TBX4: variants seen among roughly 807,000 people sequenced by gnomAD.
TBX4 encodes the protein T-box transcription factor 4.
Under a neutral mutation model 54.6 loss-of-function variants are expected in TBX4, and 13 were observed. The ratio of observed to expected loss-of-function variants is 0.24; its 90% confidence interval spans 0.15 to 0.38. The LOEUF (loss-of-function observed/expected upper bound fraction) is 0.38. TBX4 is among the 10% of genes least tolerant of loss of function. The pLI, the probability that TBX4 is intolerant of heterozygous loss-of-function variation, is 1.00. For synonymous variants in TBX4, 314 were observed against 306.7 expected, an observed-to-expected ratio of 1.02 and a Z score of -0.25; for missense variants, 631 against 728.5, an observed-to-expected ratio of 0.87 and a Z score of 1.54.
At chr17:61,477,269 C>T (rs889351983) in intron 5 of TBX4, among the ~76,000 whole-genome samples, 5 of 152,218 alleles carry the variant, frequency 3.3e-5, no homozygotes, top group East Asian at 1.9e-4. Flanking sequence ...CAAATGTCAA[C>T]GATAAAAAAT....
Position 61,460,034 on chromosome 17 carries a change from C to T in TBX4, c.281+2403C>T, listed in dbSNP as rs2060483806. Among the ~76,000 whole-genome samples the T allele has an allele frequency of 6.6e-6, 1 of 152,130 alleles. No homozygotes were observed. The highest frequency in any genetic ancestry group is 2.1e-4 in the South Asian group (1 of 4,832). ...TTCTTGGTACACGTCCATTTGTCAG[C>T]CTGGGCCCTGCTGCTAAACCTGGAA... On this transcript the variant is annotated intron_variant, in intron 3 of 8. Coordinates refer to ENST00000644296, the MANE Select transcript of TBX4 (RefSeq NM_001321120.2). This position sits in a 1 kb window ranked among gnomAD's most constrained non-coding sequence, Gnocchi z 4.4.
rs749679076 is a variant in TBX4 at position 61,474,889 on chromosome 17, G to T, written c.550-3738G>T. Among the ~76,000 whole-genome samples, 2 of 152,200 alleles carry T rather than the reference G, an allele frequency of 1.3e-5. No homozygotes were observed. The highest frequency in any genetic ancestry group is 2.9e-5 in the Non-Finnish European group (2 of 68,042). The stretch of plus-strand genomic sequence containing the variant: ...TTATACTTGTCTTGGCTCAATGGGT[G>T]GGACTTTCTTCCAGATACCTGTCCA... On this transcript the variant is annotated intron_variant, in intron 5 of 8. Transcript: ENST00000644296. This position sits in a 1 kb window ranked among gnomAD's most constrained non-coding sequence, Gnocchi z 4.6.
At position 61,480,330 on chromosome 17, in the gene TBX4, C is replaced by A; in HGVS notation, c.1021+11C>A. The A allele has an allele frequency of 1.2e-6, 2 of 1,609,896 alleles. No homozygotes were observed. Among genetic ancestry groups the A allele is most frequent in the Non-Finnish European group, 8.5e-7 (1 of 1,177,886 alleles). ...GCCTGAAAAGACGAGGTAGGGCTCT[C>A]CTGGTCTAGAAGCCCTAGAGGGTAA... On this transcript the variant is annotated intron_variant, in intron 8 of 8. Coordinates refer to ENST00000644296, the MANE Select transcript of TBX4 (RefSeq NM_001321120.2). The surrounding 1 kb of genome is among the most constrained non-coding windows in gnomAD (Gnocchi z 6.2).
At chr17:61,473,988 C>T (rs2060599552) in intron 5 of TBX4, among the ~76,000 whole-genome samples, 1 of 152,128 alleles carries the variant, frequency 6.6e-6, no homozygotes, top group African/African-American at 2.4e-5. Flanking sequence ...GGCTGATGGG[C>T]TCCCTGACTT....
At position 61,475,888 on chromosome 17, in the gene TBX4, C is replaced by T. The variant is rs900139446; in HGVS notation, c.550-2739C>T. On this transcript the variant is annotated intron_variant, in intron 5 of 8. Coordinates refer to ENST00000644296, the MANE Select transcript of TBX4 (RefSeq NM_001321120.2). The surrounding 1 kb of genome is among the most constrained non-coding windows in gnomAD (Gnocchi z 5.0). ...GCCAAGGAGCTGGCACATCGGGGAACTCATGGGAGATCATCTCTGCACATG... is the reference window on the plus strand; with the variant it reads ...GCCAAGGAGCTGGCACATCGGGGAATTCATGGGAGATCATCTCTGCACATG... Among the ~76,000 whole-genome samples, 15 of 152,244 alleles carry T rather than the reference C, an allele frequency of 9.9e-5. No individual in the cohort carries two copies. Among genetic ancestry groups the T allele is most frequent in the Admixed American group, 7.2e-4 (11 of 15,294 alleles).
Position 61,483,182 on chromosome 17 carries a change from A to AGAC in TBX4, c.1308_1310dup (p.Thr437dup). 1 of 1,614,126 alleles carries AGAC rather than the reference A, an allele frequency of 6.2e-7. No homozygotes were observed. Among genetic ancestry groups the AGAC allele is most frequent in the Non-Finnish European group, 8.5e-7 (1 of 1,180,022 alleles). On this transcript the variant is annotated inframe_insertion, in exon 9 of 9. Coordinates refer to ENST00000644296, the MANE Select transcript of TBX4 (RefSeq NM_001321120.2). This position sits in a 1 kb window ranked among gnomAD's most constrained non-coding sequence, Gnocchi z 6.6. ...ACCAGCTATAGCGTGCAGACGATGG[A>AGAC]GACTGTGCCGTACCAGCCCTTCCCC...
In TBX4 at chr17:61,462,116, C is replaced by T. The variant is rs2060498330; in HGVS notation, c.282-3703C>T. Among the ~76,000 whole-genome samples the T allele has an allele frequency of 6.6e-6, 1 of 152,250 alleles. No individual in the cohort carries two copies. Among genetic ancestry groups the T allele is most frequent in the Non-Finnish European group, 1.5e-5 (1 of 68,050 alleles). ...GCCAGAATTAAAAAAGCCCCAAACC[C>T]TTGCCCCGCGCCCCGCGCGCCTCCA... On this transcript the variant is annotated intron_variant, in intron 3 of 8. Transcript: ENST00000644296. This position sits in a 1 kb window ranked among gnomAD's most constrained non-coding sequence, Gnocchi z 4.5.
chr17:61,479,997 C>G lies in TBX4; in HGVS notation c.791+28C>G. 3 of 1,612,806 alleles carry G rather than the reference C, an allele frequency of 1.9e-6. No individual in the cohort carries two copies. The highest frequency in any genetic ancestry group is 2.5e-6 in the Non-Finnish European group (3 of 1,178,924). On this transcript the variant is annotated intron_variant, in intron 7 of 8. Transcript: ENST00000644296. The surrounding 1 kb of genome is among the most constrained non-coding windows in gnomAD (Gnocchi z 6.1). ...GGGGCTGCGTAGCCTGGGGGTGGGG[C>G]GGGCAGATGGGATTCAGGCACGTGG...
At position 61,478,548 on chromosome 17, in the gene TBX4, A is replaced by G; in HGVS notation, c.550-79A>G. 1 of 1,593,796 alleles carries G rather than the reference A, an allele frequency of 6.3e-7. No homozygotes were observed. Among genetic ancestry groups the G allele is most frequent in the Non-Finnish European group, 8.6e-7 (1 of 1,161,964 alleles). On this transcript the variant is annotated intron_variant, in intron 5 of 8. Transcript: ENST00000644296. This position sits in a 1 kb window ranked among gnomAD's most constrained non-coding sequence, Gnocchi z 7.4. Reference sequence around the variant, plus strand: ...TGAGGAGAATGAGAAAAACCAGGCCAGGGCCAGAAGAATGAGGTCAAGGGC... The same window carrying G: ...TGAGGAGAATGAGAAAAACCAGGCCGGGGCCAGAAGAATGAGGTCAAGGGC...
rs2060491279 is a variant in TBX4, at chr17:61,461,029, G to T, written c.281+3398G>T. Among the ~76,000 whole-genome samples, 1 of 152,212 alleles carries T rather than the reference G, an allele frequency of 6.6e-6. No individual in the cohort carries two copies. Among genetic ancestry groups the T allele is most frequent in the South Asian group, 2.1e-4 (1 of 4,836 alleles). ...GTATACAGAGCGTCAGAGCCCAGTGGCGTGGATGATAAGAGAAGTAAGGGT... is the reference window on the plus strand; with the variant it reads ...GTATACAGAGCGTCAGAGCCCAGTGTCGTGGATGATAAGAGAAGTAAGGGT... On this transcript the variant is annotated intron_variant, in intron 3 of 8. Coordinates refer to ENST00000644296, the MANE Select transcript of TBX4 (RefSeq NM_001321120.2). The surrounding 1 kb of genome is among the most constrained non-coding windows in gnomAD (Gnocchi z 5.1).
chr17:61,453,686 A>G (rs1168980032), intron 1 of TBX4, among the ~76,000 whole-genome samples: 1 of 152,254 alleles, frequency 6.6e-6, no homozygotes, highest in Non-Finnish European at 1.5e-5. Flanking sequence ...TGTGATGAGT[A>G]ACTAGCGAGT....
rs924689384 is a variant in TBX4 at position 61,472,830 on chromosome 17, A to G, written c.549+5173A>G. On this transcript the variant is annotated intron_variant, in intron 5 of 8. Coordinates refer to ENST00000644296, the MANE Select transcript of TBX4 (RefSeq NM_001321120.2). The surrounding 1 kb of genome is among the most constrained non-coding windows in gnomAD (Gnocchi z 4.5). ...TACAGAGCTATCCAGTTGTCCCAGC[A>G]TCACTAATTGAGTTGTCCCCTTTCC... Among the ~76,000 whole-genome samples, 3 of 150,970 alleles carry G rather than the reference A, an allele frequency of 2.0e-5. No homozygotes were observed. Among genetic ancestry groups the G allele is most frequent in the Admixed American group, 6.6e-5 (1 of 15,154 alleles).
At position 61,480,233 on chromosome 17, in the gene TBX4, A is replaced by T; in HGVS notation, c.935A>T (p.Gln312Leu). Residue 312 changes from glutamine to leucine, a missense_variant, in exon 8 of 9, where the codon CAG becomes CTG. By Grantham distance (113) the Gln-to-Leu change is moderately radical. Transcript: ENST00000644296. The surrounding 1 kb of genome is among the most constrained non-coding windows in gnomAD (Gnocchi z 6.2). ...HYQHENGAHS[Q>L]LAEPQDLPLS... ...CAGCACGAGAACGGGGCACACTCAC[A>T]GCTCGCGGAGCCGCAGGACCTGCCC... is the stretch of plus-strand genomic sequence containing the variant. The T allele has an allele frequency of 1.2e-6, 2 of 1,614,116 alleles. No individual in the cohort carries two copies. Among genetic ancestry groups the T allele is most frequent in the Non-Finnish European group, 1.7e-6 (2 of 1,180,012 alleles).
chr17:61,477,157 G>A (rs2060626282), intron 5 of TBX4, among the ~76,000 whole-genome samples: 1 of 152,360 alleles, frequency 6.6e-6, no homozygotes, highest in East Asian at 1.9e-4. Context: ...CCGAGGGCCC[G>A]CCTGGCCTGG....
rs745840463 is a variant in TBX4, at chr17:61,480,040, G to A, written c.792-50G>A. 1.2e-6 allele frequency: 2 copies of A among 1,611,690 alleles called. No individual in the cohort carries two copies. The highest frequency in any genetic ancestry group is 1.1e-5 in the South Asian group (1 of 91,024). Reference sequence around the variant, plus strand: ...GCACGTGGCCTCTGTGACCCTCGATGTATCTTCACTCTCTTCCTGTCTCTC... The same window carrying A: ...GCACGTGGCCTCTGTGACCCTCGATATATCTTCACTCTCTTCCTGTCTCTC... On this transcript the variant is annotated intron_variant, in intron 7 of 8. Transcript: ENST00000644296. This position sits in a 1 kb window ranked among gnomAD's most constrained non-coding sequence, Gnocchi z 6.2.
rs1343891397 is a variant in TBX4 at position 61,481,129 on chromosome 17, T to G, written c.1021+810T>G. ...CTGTACAAGTCTCATTAGAACTCAATGACCTAGAGCACGGGTTGGCAAACT... is the reference window on the plus strand; with the variant it reads ...CTGTACAAGTCTCATTAGAACTCAAGGACCTAGAGCACGGGTTGGCAAACT... On this transcript the variant is annotated intron_variant, in intron 8 of 8. Coordinates refer to ENST00000644296, the MANE Select transcript of TBX4 (RefSeq NM_001321120.2). The surrounding 1 kb of genome is among the most constrained non-coding windows in gnomAD (Gnocchi z 4.8). 6.6e-6 allele frequency among the ~76,000 whole-genome samples: 1 copy of G among 152,180 alleles called. No homozygotes were observed. The highest frequency in any genetic ancestry group is 2.4e-5 in the African/African-American group (1 of 41,442).
In TBX4 at chr17:61,479,872, T is replaced by A; in HGVS notation, c.703-9T>A. ...CACACTGGTGACCCTATGTGTTTTC[T>A]CCCCACAGATCACCCAGCTGAAAAT... On this transcript the variant is annotated splice_polypyrimidine_tract_variant and intron_variant, in intron 6 of 8. Coordinates refer to ENST00000644296, the MANE Select transcript of TBX4 (RefSeq NM_001321120.2). This position sits in a 1 kb window ranked among gnomAD's most constrained non-coding sequence, Gnocchi z 6.1. 1 of 1,613,940 alleles carries A rather than the reference T, an allele frequency of 6.2e-7. No homozygotes were observed. Among genetic ancestry groups the A allele is most frequent in the Non-Finnish European group, 8.5e-7 (1 of 1,179,914 alleles).
rs2060664921 is a variant in TBX4 at position 61,481,773 on chromosome 17, T to C, written c.1022-1124T>C. Reference sequence around the variant, plus strand: ...TGTGTGGGGTTTTTGTTGTTGTTGTTGTCCTTGTTTTGAGACGGAGTCTCT... The same window carrying C: ...TGTGTGGGGTTTTTGTTGTTGTTGTCGTCCTTGTTTTGAGACGGAGTCTCT... On this transcript the variant is annotated intron_variant, in intron 8 of 8. Transcript: ENST00000644296. The surrounding 1 kb of genome is among the most constrained non-coding windows in gnomAD (Gnocchi z 4.8). 1 of 152,282 alleles carries C rather than the reference T, an allele frequency of 6.6e-6. No homozygotes were observed. Among genetic ancestry groups the C allele is most frequent in the Non-Finnish European group, 1.5e-5 (1 of 68,128 alleles). 9.4% of individuals were successfully genotyped at this position (152,282 alleles called of 1,614,324 possible).
At position 61,456,539 on chromosome 17, in the gene TBX4, C is replaced by T; in HGVS notation, c.49C>T (p.Pro17Ser). 6.4e-7 allele frequency: 1 copy of T among 1,557,936 alleles called. No homozygotes were observed. The highest frequency in any genetic ancestry group is 1.4e-5 in the African/African-American group (1 of 73,646). The change falls in exon 2 of 9, where the codon CCG becomes TCG. Residue 17 changes from proline to serine, a missense_variant. Transcript: ENST00000644296. Reference sequence around the variant, plus strand: ...CGAGAGCGAGGAGGCCTTCCGGGCCCCGGGCCCAGCGCTCGGAGAGGCCAG... The same window carrying T: ...CGAGAGCGAGGAGGCCTTCCGGGCCTCGGGCCCAGCGCTCGGAGAGGCCAG... ...LSESEEAFRA[P>S]GPALGEASAA...
Sources: allele counts gnomAD v4.1 joint callset (sites outside exome capture counted in the v4.1 genomes callset), GRCh38; gene constraint gnomAD v4.1.1; non-coding constraint Gnocchi (gnomAD v3.1); transcripts MANE v1.5; gene names NCBI Gene and HGNC (gene_info 2026-07-23, HGNC 2026-07-21).